The following ZNF572 variants were observed in gnomAD, a reference collection of about 807,000 sequenced individuals.
ZNF572 encodes the protein zinc finger protein 572.
A neutral mutation model predicts 3.8 loss-of-function variants in ZNF572; 2 were observed. The observed-to-expected ratio is 0.52, with a 90% CI of 0.21 to 1.65. The LOEUF (loss-of-function observed/expected upper bound fraction) is 1.65, where lower values mean the gene tolerates loss of function less well. Ranked by LOEUF, ZNF572 falls within the 40% of genes most tolerant of loss-of-function variation. The pLI is 0.20. For missense variants in ZNF572, 581 were observed against 633.4 expected (o/e 0.92, Z 0.89); for synonymous variants, 187 against 204.5 (o/e 0.91, Z 0.73).
At chr8:124,976,255 T>G in intron 2 of ZNF572, 93 bp from the exon 3 acceptor site, 1 of 1,121,486 alleles carries the variant, frequency 8.9e-7, no homozygotes, top group East Asian at 2.4e-5. Context: ...TATGAGGTTT[T>G]ACAGTGTTAT....
rs1814517131 is a variant in ZNF572, at chr8:124,977,034, A to T, written c.766A>T (p.Ser256Cys). The T allele has an allele frequency of 6.2e-7, 1 of 1,613,530 alleles. No individual in the cohort carries two copies. The highest frequency in any genetic ancestry group is 1.3e-5 in the African/African-American group (1 of 74,948). ...CSVCGKGFSHSYVLIEHQRTH... is the reference protein window; with the variant it reads ...CSVCGKGFSHCYVLIEHQRTH... ...TGTCTGCGGAAAAGGCTTCAGTCACAGCTATGTCCTAATAGAACATCAGAG... is the reference window on the plus strand; with the variant it reads ...TGTCTGCGGAAAAGGCTTCAGTCACTGCTATGTCCTAATAGAACATCAGAG... Residue 256 changes from serine (S) to cysteine (C), a missense_variant, in exon 3 of 3, where the codon AGC becomes TGC. Coordinates refer to ENST00000319286, the MANE Select transcript of ZNF572 (RefSeq NM_152412.3).
Position 124,977,097 on chromosome 8 carries a change from T to C in ZNF572, c.829T>C (p.Cys277Arg), listed in dbSNP as rs565659958. 5.0e-6 allele frequency: 8 copies of C among 1,609,698 alleles called. No individual in the cohort carries two copies. In the Admixed American group the frequency reaches 5.0e-5, roughly 10 times the overall value. Residue 277 changes from cysteine (C) to arginine (R), a missense_variant, in exon 3 of 3, where the codon TGT becomes CGT. Transcript: ENST00000319286. Reference sequence around the variant, plus strand: ...AGAAAAACCTTATAAGTGCCCTGATTGTGGGAAGAGTTTTAGTCAGAGTTC... The same window carrying C: ...AGAAAAACCTTATAAGTGCCCTGATCGTGGGAAGAGTTTTAGTCAGAGTTC... ...TGEKPYKCPD[C>R]GKSFSQSSSL...
intron 2 of ZNF572, 75 bp from the exon 3 acceptor site, chr8:124,976,273 C>G: frequency 7.7e-7 from 1 of 1,302,696 alleles, no homozygotes; most frequent in Non-Finnish European, 1.1e-6. Flanking sequence ...TATTTCCTCT[C>G]TTCCACTGCA....
chr8:124,977,326 A>G lies in ZNF572; in HGVS notation c.1058A>G (p.Glu353Gly), dbSNP rs750749812. The G allele has an allele frequency of 6.2e-6, 10 of 1,614,238 alleles. No homozygotes were observed. The highest frequency in any genetic ancestry group is 8.5e-6 in the Non-Finnish European group (10 of 1,180,042). The change falls in exon 3 of 3, where the codon GAG (glutamate) becomes GGG (glycine). Residue 353 changes from glutamate to glycine, a missense_variant. Transcript: ENST00000319286. ...LITHQKMHTG[E>G]KSYESSEYEE... ...ACACACCAGAAAATGCACACAGGAG[A>G]GAAATCCTATGAAAGTTCTGAATAT...
Position 124,977,352 on chromosome 8 carries a change from G to A in ZNF572, c.1084G>A (p.Glu362Lys), listed in dbSNP as rs1276019011. Residue 362 changes from glutamate to lysine, a missense_variant, in exon 3 of 3, where the codon GAG becomes AAG. By Grantham distance (56) the Glu-to-Lys change is moderately conservative. Transcript: ENST00000319286. ...GAAATCCTATGAAAGTTCTGAATAT[G>A]AGGAAAGTTTGGGTCAGAACTGCAA... ...GEKSYESSEY[E>K]ESLGQNCNVI... The A allele has an allele frequency of 1.2e-6, 2 of 1,614,220 alleles. No individual in the cohort carries two copies. The highest frequency in any genetic ancestry group is 1.7e-5 in the Admixed American group (1 of 60,032).
intron 1 of ZNF572, among the ~76,000 whole-genome samples, chr8:124,973,876 G>C (rs562709980): frequency 1.3e-5 from 2 of 152,280 alleles, no homozygotes; most frequent in African/African-American, 4.8e-5. Context: ...AAATTTAATA[G>C]TATTTTAGTA....
chr8:124,974,172 G>C (rs1283151184), intron 1 of ZNF572, among the ~76,000 whole-genome samples: 2 of 152,184 alleles, frequency 1.3e-5, no homozygotes, highest in Non-Finnish European at 2.9e-5. Context: ...TAGGAATGTA[G>C]ACCTCTGTTT....
chr8:124,976,819 G>A lies in ZNF572; in HGVS notation c.551G>A (p.Gly184Glu). 1 of 1,614,204 alleles carries A rather than the reference G, an allele frequency of 6.2e-7. No individual in the cohort carries two copies. The highest frequency in any genetic ancestry group is 2.2e-5 in the East Asian group (1 of 44,896). ...ATTCAGCATCTAAGAATGCACACAG[G>A]AGAGAAGCCCTACCAGTGTGGTGAA... The part of the protein sequence containing the change: ...HLIQHLRMHT[G>E]EKPYQCGECG... Residue 184 changes from glycine to glutamate, a missense_variant, in exon 3 of 3, where the codon GGA becomes GAA. By Grantham distance (98) the Gly-to-Glu change is moderately conservative. Coordinates refer to ENST00000319286, the MANE Select transcript of ZNF572 (RefSeq NM_152412.3).
intron 1 of ZNF572, among the ~76,000 whole-genome samples, chr8:124,974,021 A>C (rs535601466): frequency 6.6e-6 from 1 of 151,854 alleles, no homozygotes; most frequent in African/African-American, 2.4e-5. Context: ...CTTTTTTTGC[A>C]TTCAGGTGTA....
Position 124,976,746 on chromosome 8 carries a change from TATAAA to T in ZNF572, c.479_483del (p.Tyr160LeufsTer3). 1.2e-6 allele frequency: 2 copies of T among 1,614,196 alleles called. No homozygotes were observed. On this transcript the variant is annotated frameshift_variant, in exon 3 of 3. Coordinates refer to ENST00000319286, the MANE Select transcript of ZNF572 (RefSeq NM_152412.3). LOFTEE classifies it low-confidence loss of function (END_TRUNC). ...GAGGACCCACTCAGGAGAAAAGCCTTATAAATGCTCTGAGTGTGCAAAATGTTTTT... is the reference window on the plus strand; with the variant it reads ...GAGGACCCACTCAGGAGAAAAGCCTTTGCTCTGAGTGTGCAAAATGTTTTT...
At chr8:124,974,752 C>T (rs1340056757) in intron 1 of ZNF572, among the ~76,000 whole-genome samples, 2 of 151,928 alleles carry the variant, frequency 1.3e-5, no homozygotes, top group African/African-American at 4.8e-5. Context: ...GGTGCAATGG[C>T]ACGATCTCGG....
At chr8:124,976,311 T>C (rs375914692) in intron 2 of ZNF572, 37 bp from the exon 3 acceptor site, 4 of 1,497,280 alleles carry the variant, frequency 2.7e-6, no homozygotes, top group Non-Finnish European at 3.6e-6. Context: ...CTGGCAGAGA[T>C]TTGGAATATG....
At position 124,977,816 on chromosome 8, in the gene ZNF572, G is replaced by A; in HGVS notation, c.1548G>A (p.Met516Ile). 2 of 1,602,548 alleles carry A rather than the reference G, an allele frequency of 1.2e-6. No homozygotes were observed. The highest frequency in any genetic ancestry group is 1.7e-6 in the Non-Finnish European group (2 of 1,172,936). ...EWTWKNCSGE[M>I]PFISSFSVSN... ...CTTGGAAAAACTGTTCAGGGGAAAT[G>A]CCCTTCATCTCTTCATTTTCCGTCT... Residue 516 changes from methionine (M) to isoleucine (I), a missense_variant, in exon 3 of 3, where the codon ATG becomes ATA. Met to Ile is a conservative substitution (Grantham distance 10, BLOSUM62 1). Coordinates refer to ENST00000319286, the MANE Select transcript of ZNF572 (RefSeq NM_152412.3).
rs1201087324 is a variant in ZNF572, at chr8:124,975,685, T to C, written c.45T>C (p.Phe15=). Residue 15 remains phenylalanine, a synonymous_variant, in exon 2 of 3, where the codon TTT becomes TTC. Transcript: ENST00000319286. The part of the protein sequence containing the change: ...KKLLVSDSNS[F]MERESLKSPF... ...TGTTGGTCTCAGATTCTAACAGCTTTATGGAGAGGGAGAGTTTGAAAAGCC... is the reference window on the plus strand; with the variant it reads ...TGTTGGTCTCAGATTCTAACAGCTTCATGGAGAGGGAGAGTTTGAAAAGCC... The C allele has an allele frequency of 2.5e-6, 4 of 1,613,866 alleles. No homozygotes were observed. Among genetic ancestry groups the C allele is most frequent in the South Asian group, 1.1e-5 (1 of 91,070 alleles).
rs1174016876 is a variant in ZNF572 at position 124,977,101 on chromosome 8, G to A, written c.833G>A (p.Gly278Glu). Residue 278 changes from glycine to glutamate, a missense_variant, in exon 3 of 3, where the codon GGG (glycine) becomes GAG (glutamate). Coordinates refer to ENST00000319286, the MANE Select transcript of ZNF572 (RefSeq NM_152412.3). ...AAACCTTATAAGTGCCCTGATTGTG[G>A]GAAGAGTTTTAGTCAGAGTTCCAGC... Reference protein sequence around the residue: ...GEKPYKCPDCGKSFSQSSSLI... With the variant: ...GEKPYKCPDCEKSFSQSSSLI... 6.2e-7 allele frequency: 1 copy of A among 1,609,376 alleles called. No individual in the cohort carries two copies. The highest frequency in any genetic ancestry group is 1.1e-5 in the South Asian group (1 of 91,078).
Position 124,977,730 on chromosome 8 carries a change from A to C in ZNF572, c.1462A>C (p.Lys488Gln). ...AAGTGCCTACCTCAGTCAGCATCGG[A>C]AAATTCACGTAGAAAAGCCTTTTGA... ...SRSAYLSQHR[K>Q]IHVEKPFESP... The change falls in exon 3 of 3, where the codon AAA becomes CAA. Residue 488 changes from lysine to glutamine, a missense_variant. By Grantham distance (53) the Lys-to-Gln change is moderately conservative. Transcript: ENST00000319286. 2 of 1,614,230 alleles carry C rather than the reference A, an allele frequency of 1.2e-6. No homozygotes were observed. The highest frequency in any genetic ancestry group is 1.7e-6 in the Non-Finnish European group (2 of 1,180,026).
rs1814521628 is a variant in ZNF572 at position 124,977,299 on chromosome 8, T to C, written c.1031T>C (p.Ile344Thr). The C allele has an allele frequency of 6.2e-7, 1 of 1,614,106 alleles. No homozygotes were observed. Among genetic ancestry groups the C allele is most frequent in the Non-Finnish European group, 8.5e-7 (1 of 1,180,038 alleles). The change falls in exon 3 of 3, where the codon ATT (isoleucine) becomes ACT (threonine). Residue 344 changes from isoleucine (I) to threonine (T), a missense_variant. Coordinates refer to ENST00000319286, the MANE Select transcript of ZNF572 (RefSeq NM_152412.3). Reference protein sequence around the residue: ...GKNFSRSSNLITHQKMHTGEK... With the variant: ...GKNFSRSSNLTTHQKMHTGEK... ...AATTTTAGTCGTAGTTCAAACCTTA[T>C]TACACACCAGAAAATGCACACAGGA...
Position 124,975,592 on chromosome 8 carries a change from A to T in ZNF572, c.-35-14A>T, listed in dbSNP as rs1268991084. On this transcript the variant is annotated splice_polypyrimidine_tract_variant and intron_variant, in intron 1 of 2. Transcript: ENST00000319286. ...TAACAAATACCTCCAAACATAATTT[A>T]TTTCCTTCCACAGGGTTTCTGATCT... 6.8e-7 allele frequency: 1 copy of T among 1,463,268 alleles called. No individual in the cohort carries two copies. The highest frequency in any genetic ancestry group is 1.4e-5 in the African/African-American group (1 of 71,782). 90.6% of individuals were successfully genotyped at this position (1,463,268 alleles called of 1,614,324 possible).
chr8:124,973,956 A>G (rs1242656704), intron 1 of ZNF572, among the ~76,000 whole-genome samples: 1 of 152,184 alleles, frequency 6.6e-6, no homozygotes, highest in Admixed American at 6.5e-5. Context: ...TGATAACAAT[A>G]TGTAACTTAG....
Sources: gnomAD v4.1 joint callset for allele counts (sites outside exome capture counted in the v4.1 genomes callset) on GRCh38, gnomAD v4.1.1 for gene constraint, MANE v1.5 for transcripts, NCBI Gene and HGNC (gene_info 2026-07-23, HGNC 2026-07-21) for gene names.